AK9: variants seen among roughly 807,000 people sequenced by gnomAD.
AK9 encodes the protein adenylate kinase domain containing 1.
Under a neutral mutation model 239.6 loss-of-function variants are expected in AK9, and 191 were observed. The observed-to-expected ratio is 0.80, with a 90% CI of 0.71 to 0.90. The LOEUF is 0.90. AK9 is among the 40% of genes least tolerant of loss of function. The probability of loss-of-function intolerance (pLI) is 0.00; values close to 1 mark genes in which losing one functional copy is unlikely to be tolerated. For synonymous variants in AK9, 689 were observed against 721.0 expected (o/e 0.96, Z 0.71); for missense variants, 1,995 against 2,214.7 (o/e 0.90, Z 1.99).
In AK9 at chr6:109,542,141, C is replaced by T; in HGVS notation, c.3256G>A (p.Glu1086Lys). The stretch of plus-strand genomic sequence containing the variant: ...TCCATTAGACTTGATTTGATTACTT[C>T]TTCTTCTTCTGTAAGTTGTACTTCT... ...LPEVQLTEEE[E>K]VIKSSLMENE... is the part of the protein sequence containing the mutation. Residue 1086 changes from glutamate (E) to lysine (K), a missense_variant, in exon 27 of 41, where the codon GAA (glutamate) becomes AAA (lysine). Coordinates refer to ENST00000424296, the MANE Select transcript of AK9 (RefSeq NM_001145128.3). 2 of 1,602,634 alleles carry T rather than the reference C, an allele frequency of 1.2e-6. No homozygotes were observed. Among genetic ancestry groups the T allele is most frequent in the African/African-American group, 1.3e-5 (1 of 74,388 alleles).
chr6:109,647,532 G>C (rs1337192158), intron 8 of AK9, among the ~76,000 whole-genome samples: 1 of 152,140 alleles, frequency 6.6e-6, no homozygotes, highest in East Asian at 1.9e-4. Context: ...TCAACAATAA[G>C]AGCTAACTAT....
At position 109,610,471 on chromosome 6, in the gene AK9, G is replaced by C. The variant is rs1403103068; in HGVS notation, c.1736C>G (p.Pro579Arg). ...DLIEEVTADH[P>R]EVVTMIEETI... ...CTCTTCAATCATGGTCACAACCTCT[G>C]GATGATCTGCAGTTACCTCTTCTAT... The change falls in exon 17 of 41, where the codon CCA (proline) becomes CGA (arginine). Residue 579 changes from proline to arginine, a missense_variant. Coordinates refer to ENST00000424296, the MANE Select transcript of AK9 (RefSeq NM_001145128.3). The C allele has an allele frequency of 1.9e-5, 30 of 1,551,098 alleles. No homozygotes were observed. The highest frequency in any genetic ancestry group is 2.6e-5 in the Non-Finnish European group (30 of 1,146,798).
rs777190824 is a variant in AK9, at chr6:109,564,782, A to G, written c.2408T>C (p.Leu803Pro). Residue 803 changes from leucine (L) to proline (P), a missense_variant, in exon 22 of 41, where the codon CTG becomes CCG. By Grantham distance (98) the Leu-to-Pro change is moderately conservative (BLOSUM62 -3). Coordinates refer to ENST00000424296, the MANE Select transcript of AK9 (RefSeq NM_001145128.3). ...TEIPKGSKEG[L>P]EIEKLSETVV... ...TGTTTCAGATAATTTTTCAATTTCC[A>G]GGCCCTCTTTGGATCCTTTTGGGAT... 1.4e-5 allele frequency: 21 copies of G among 1,545,824 alleles called. No homozygotes were observed. Among genetic ancestry groups the G allele is most frequent in the African/African-American group, 2.7e-5 (2 of 72,888 alleles).
chr6:109,514,283 T>C lies in AK9; in HGVS notation c.4220A>G (p.Lys1407Arg). The part of the protein sequence containing the change: ...PIKYIRQPKP[K>R]PTVPIRIIIV... ...TATAATCCTAATGGGCACAGTAGGC[T>C]TAGGTTTGGGTTGGCGGATATATTT... The change falls in exon 32 of 41, where the codon AAG becomes AGG. Residue 1407 changes from lysine (K) to arginine (R), a missense_variant. Coordinates refer to ENST00000424296, the MANE Select transcript of AK9 (RefSeq NM_001145128.3). 1 of 1,551,908 alleles carries C rather than the reference T, an allele frequency of 6.4e-7. No individual in the cohort carries two copies.
intron 29 of AK9, among the ~76,000 whole-genome samples, chr6:109,526,661 T>A (rs2128127742): frequency 6.6e-6 from 1 of 152,304 alleles, no homozygotes; most frequent in South Asian, 2.1e-4. Context: ...TTCTCAGGGC[T>A]TCCTGACACA....
rs948901072 is a variant in AK9 at position 109,573,484 on chromosome 6, C to T, written c.2302G>A (p.Glu768Lys). Reference protein sequence around the residue: ...HDTRGSWLPEEFEASEVPETE... With the variant: ...HDTRGSWLPEKFEASEVPETE... Reference sequence around the variant, plus strand: ...TCAGGGACCTCAGATGCTTCAAACTCCTCAGGTAACCATGACCCTCGGGTA... The same window carrying T: ...TCAGGGACCTCAGATGCTTCAAACTTCTCAGGTAACCATGACCCTCGGGTA... Residue 768 changes from glutamate to lysine, a missense_variant, in exon 21 of 41, where the codon GAG becomes AAG. Physicochemically the swap from Glu to Lys is moderately conservative, Grantham distance 56 (BLOSUM62 1). This residue lies in a region of AK9 where 1,290 missense variants were observed against 1,392.7 expected (regional missense o/e 0.93). Transcript: ENST00000424296. The T allele has an allele frequency of 3.9e-6, 6 of 1,551,250 alleles. No homozygotes were observed. Among genetic ancestry groups the T allele is most frequent in the Admixed American group, 3.9e-5 (2 of 50,954 alleles).
chr6:109,602,454 G>A (rs1792156634), intron 17 of AK9, among the ~76,000 whole-genome samples: 2 of 152,170 alleles, frequency 1.3e-5, no homozygotes, highest in Admixed American at 6.5e-5. Context: ...CTGTTAGTCT[G>A]GTGGGCTTCT....
chr6:109,649,554 A>T (rs1798603237), intron 8 of AK9, among the ~76,000 whole-genome samples: 1 of 152,160 alleles, frequency 6.6e-6, no homozygotes, highest in Non-Finnish European at 1.5e-5. Context: ...TTCAAGGAGA[A>T]CTACAAACCA....
In AK9 at chr6:109,633,151, G is replaced by T. The variant is rs184408454; in HGVS notation, c.1073+33C>A. 1,025 of 1,568,776 alleles carry T rather than the reference G, an allele frequency of 6.5e-4. 1 individual carries two copies. Among genetic ancestry groups the T allele is most frequent in the Non-Finnish European group, 8.2e-4 (954 of 1,164,258 alleles). ...AACAACTGAAAAGATGTATGAGGAA[G>T]ATTTAAAATTAAGTTCTGAAAATCT... On this transcript the variant is annotated intron_variant, in intron 11 of 40. Transcript: ENST00000424296.
intron 17 of AK9, among the ~76,000 whole-genome samples, chr6:109,608,278 CAAAAAAA>C (rs568305228): frequency 1.8e-5 from 1 of 54,740 alleles, no homozygotes; most frequent in Admixed American, 2.0e-4. Flanking sequence ...GACTCTGGCT[CAAAAAAA>C]AAAAAAAAAA....
chr6:109,495,069 C>T (rs1421685636), intron 39 of AK9, among the ~76,000 whole-genome samples: 1 of 152,172 alleles, frequency 6.6e-6, no homozygotes, highest in African/African-American at 2.4e-5. Context: ...AACCAAACTA[C>T]ATATCTAATT....
In AK9 at chr6:109,497,525, A is replaced by G. The variant is rs760547047; in HGVS notation, c.5255T>C (p.Leu1752Ser). ...ALVPGSINYALEYHNRIYICE... is the reference protein window; with the variant it reads ...ALVPGSINYASEYHNRIYICE... Reference sequence around the variant, plus strand: ...AATATATATACGATTATGATATTCTAAAGCATAGTTAATGCTACCAGGTAC... The same window carrying G: ...AATATATATACGATTATGATATTCTGAAGCATAGTTAATGCTACCAGGTAC... The change falls in exon 38 of 41, where the codon TTA becomes TCA. Residue 1752 changes from leucine to serine, a missense_variant. By Grantham distance (145) the Leu-to-Ser change is moderately radical. Around this residue, in one of 5 missense-constraint regions of AK9, gnomAD observed 391 missense variants for 456.0 expected, o/e 0.86. Coordinates refer to ENST00000424296, the MANE Select transcript of AK9 (RefSeq NM_001145128.3). The G allele has an allele frequency of 2.5e-6, 4 of 1,610,122 alleles. No homozygotes were observed. In the African/African-American group the frequency reaches 5.4e-5, roughly 22 times the overall value.
At chr6:109,671,868 A>G in intron 5 of AK9, 51 bp downstream of exon 5, 1 of 1,541,940 alleles carries the variant, frequency 6.5e-7, no homozygotes, top group Non-Finnish European at 8.9e-7. Flanking sequence ...CAGATAAAGC[A>G]TGAGTTTTAA....
intron 17 of AK9, among the ~76,000 whole-genome samples, chr6:109,606,628 G>A (rs1792921159): frequency 6.6e-6 from 1 of 152,142 alleles, no homozygotes; most frequent in African/African-American, 2.4e-5. Flanking sequence ...CTGTTTTTCT[G>A]TTAGGTACTG....
At chr6:109,554,951 T>A (rs1189829347) in intron 24 of AK9, among the ~76,000 whole-genome samples, 3 of 152,194 alleles carry the variant, frequency 2.0e-5, no homozygotes, top group Admixed American at 6.5e-5. Context: ...GTTAATTTTT[T>A]AAAAAACTAA....
intron 24 of AK9, among the ~76,000 whole-genome samples, chr6:109,551,517 C>CA (rs34978650): frequency 0.086 from 10,658 of 123,672 alleles, 581 homozygotes; most frequent in East Asian, 0.26. Context: ...GACTCCATCT[C>CA]AAAAAAAAAA....
chr6:109,682,437 A>AAAAAAAAAAAAAAAAAAAAC (rs1772811193), intron 1 of AK9, among the ~76,000 whole-genome samples: 1 of 150,950 alleles, frequency 6.6e-6, no homozygotes. Flanking sequence ...AAAAAAAAAA[A>AAAAAAAAAAAAAAAAAAAAC]AAAAAAATCA....
At chr6:109,642,853 A>G (rs1281540752) in intron 9 of AK9, among the ~76,000 whole-genome samples, 1 of 152,190 alleles carries the variant, frequency 6.6e-6, no homozygotes, top group Non-Finnish European at 1.5e-5. Flanking sequence ...ATCCAATTGG[A>G]AAAACAGCAG....
chr6:109,664,501 T>C (rs1188694910), intron 5 of AK9, among the ~76,000 whole-genome samples: 1 of 152,010 alleles, frequency 6.6e-6, no homozygotes, highest in East Asian at 2.0e-4. Context: ...CTCGGCTCAC[T>C]GCAACCTCCG....
Sources: allele counts gnomAD v4.1 joint callset (sites outside exome capture counted in the v4.1 genomes callset), GRCh38; gene constraint gnomAD v4.1.1; regional missense constraint gnomAD v4.1.1; transcripts MANE v1.5; gene names NCBI Gene and HGNC (gene_info 2026-07-23, HGNC 2026-07-21).